TTC28: variants seen among roughly 807,000 people sequenced by gnomAD.
TTC28 encodes tetratricopeptide repeat protein 28.
Under a neutral mutation model 198.0 loss-of-function variants are expected in TTC28, and 61 were observed. The observed-to-expected ratio is 0.31, with a 90% CI of 0.25 to 0.38. The LOEUF is 0.38. Ranked by LOEUF, TTC28 falls within the 10% of genes least tolerant of loss-of-function variation. The probability of loss-of-function intolerance (pLI) is 1.00; values close to 1 mark genes in which losing one functional copy is unlikely to be tolerated. For missense variants in TTC28, 2,678 were observed against 3,164.0 expected (o/e 0.85, Z 3.69); for synonymous variants, 1,171 against 1,297.8 (o/e 0.90, Z 2.10).
chr22:28,209,583 T>C (rs537779907), intron 5 of TTC28, among the ~76,000 whole-genome samples: 1 of 152,242 alleles, frequency 6.6e-6, no homozygotes, highest in South Asian at 2.1e-4. Flanking sequence ...GCAGCGAGGC[T>C]GGGGGAGGGG....
intron 2 of TTC28, among the ~76,000 whole-genome samples, chr22:28,626,865 G>A (rs901468030): frequency 6.6e-6 from 1 of 151,778 alleles, no homozygotes; most frequent in African/African-American, 2.4e-5. Flanking sequence ...ATCCTAAAAG[G>A]GTGATTATTT....
chr22:28,354,111 A>C (rs1030046536), intron 2 of TTC28, among the ~76,000 whole-genome samples: 6 of 152,212 alleles, frequency 3.9e-5, no homozygotes, highest in African/African-American at 1.2e-4. Context: ...GCTGCTGTGG[A>C]AAATAGTTTG....
At chr22:28,053,491 C>G (rs1340589372) in intron 12 of TTC28, among the ~76,000 whole-genome samples, 1 of 152,134 alleles carries the variant, frequency 6.6e-6, no homozygotes, top group South Asian at 2.1e-4. Context: ...AGACTGAAGA[C>G]GGAATACTGG....
chr22:28,598,123 T>A (rs936196708), intron 2 of TTC28, among the ~76,000 whole-genome samples: 2 of 152,140 alleles, frequency 1.3e-5, no homozygotes, highest in Non-Finnish European at 2.9e-5. Context: ...CTTGAATCGT[T>A]TTCCGTAAAA....
At chr22:28,334,743 T>A (rs2045679673) in intron 2 of TTC28, among the ~76,000 whole-genome samples, 1 of 152,232 alleles carries the variant, frequency 6.6e-6, no homozygotes, top group South Asian at 2.1e-4. Flanking sequence ...AGATTCTGGA[T>A]ATTACCCCTT....
intron 6 of TTC28, among the ~76,000 whole-genome samples, chr22:28,156,026 G>T (rs546524851): frequency 2.6e-5 from 4 of 152,304 alleles, no homozygotes; most frequent in African/African-American, 9.6e-5. Context: ...TTTGGCAACT[G>T]TTAGGTTGGG....
At chr22:28,227,838 C>A (rs944571223) in intron 5 of TTC28, among the ~76,000 whole-genome samples, 8 of 152,024 alleles carry the variant, frequency 5.3e-5, no homozygotes, top group Admixed American at 2.0e-4. Flanking sequence ...TATAGAATTA[C>A]CATATGATTC....
chr22:28,016,409 C>A (rs977933138), intron 13 of TTC28, among the ~76,000 whole-genome samples: 3 of 152,250 alleles, frequency 2.0e-5, no homozygotes, highest in Admixed American at 2.0e-4. Flanking sequence ...TTGGTTACCA[C>A]ACACACGTGT....
intron 9 of TTC28, among the ~76,000 whole-genome samples, chr22:28,099,788 G>A (rs1601618552): frequency 6.6e-6 from 1 of 152,208 alleles, no homozygotes; most frequent in African/African-American, 2.4e-5. Flanking sequence ...TGGTGAGTAA[G>A]GATGGGAGTG....
chr22:28,558,845 G>A (rs1026963480), intron 2 of TTC28, among the ~76,000 whole-genome samples: 5 of 152,012 alleles, frequency 3.3e-5, no homozygotes, highest in Non-Finnish European at 7.4e-5. Context: ...GACCAGCCTG[G>A]CCAACATGGC....
chr22:28,000,321 A>C (rs1937636514), intron 15 of TTC28: 1 of 152,294 alleles, frequency 6.6e-6, no homozygotes. Context: ...GGCCACGCCA[A>C]TGAGCAAGTC....
intron 2 of TTC28, among the ~76,000 whole-genome samples, chr22:28,321,816 C>T (rs2045450418): frequency 1.3e-5 from 2 of 152,046 alleles, no homozygotes; most frequent in Admixed American, 1.3e-4. Context: ...AAATAGGTAT[C>T]ACGTTTGGGC....
intron 2 of TTC28, among the ~76,000 whole-genome samples, chr22:28,627,695 G>C (rs1225157204): frequency 1.3e-5 from 2 of 151,938 alleles, no homozygotes; most frequent in East Asian, 3.9e-4. Context: ...GCCTCCCAAA[G>C]TGCTGGGATT....
intron 6 of TTC28, among the ~76,000 whole-genome samples, chr22:28,156,757 A>G (rs766471800): frequency 6.6e-6 from 1 of 152,242 alleles, no homozygotes; most frequent in African/African-American, 2.4e-5. Flanking sequence ...AACACTGTGT[A>G]CTGGAGCAGT....
chr22:28,134,472 C>T (rs941272556), intron 6 of TTC28, among the ~76,000 whole-genome samples: 6 of 152,122 alleles, frequency 3.9e-5, no homozygotes, highest in Non-Finnish European at 8.8e-5. Flanking sequence ...AAAGATTAGA[C>T]GAATGGCTAA....
chr22:28,574,359 GTGTGTGTGTGTGTGTGT>G (rs1002039766), intron 2 of TTC28, among the ~76,000 whole-genome samples: 1 of 151,434 alleles, frequency 6.6e-6, no homozygotes, highest in Admixed American at 6.6e-5. Context: ...CTGTTTGTGT[GTGTGTGTGTGTGTGTGT>G]TGTGTGTGAG....
chr22:28,356,562 T>C (rs1223039841), intron 2 of TTC28, among the ~76,000 whole-genome samples: 1 of 152,242 alleles, frequency 6.6e-6, no homozygotes, highest in African/African-American at 2.4e-5. Context: ...CAACTTAATT[T>C]GTGCTCCCTC....
intron 2 of TTC28, among the ~76,000 whole-genome samples, chr22:28,310,026 A>G (rs1326989311): frequency 6.6e-6 from 1 of 152,018 alleles, no homozygotes; most frequent in African/African-American, 2.4e-5. Flanking sequence ...CTACTAGATG[A>G]CTTCACAAAT....
intron 9 of TTC28, among the ~76,000 whole-genome samples, chr22:28,100,523 G>A (rs1942111079): frequency 6.6e-6 from 1 of 152,266 alleles, no homozygotes; most frequent in South Asian, 2.1e-4. Context: ...ATTCTAGAAC[G>A]CTATGGTGCA....
Sources: gnomAD v4.1 joint callset for allele counts (sites outside exome capture counted in the v4.1 genomes callset) on GRCh38, gnomAD v4.1.1 for gene constraint, MANE v1.5 for transcripts, NCBI Gene and HGNC (gene_info 2026-07-23, HGNC 2026-07-21) for gene names.